TBPL2: variants seen among roughly 807,000 people sequenced by gnomAD.
TBPL2 encodes the protein TATA-box binding protein like 2, also known as TATA box-binding protein-like 2.
In TBPL2, 40 loss-of-function variants were observed where a neutral mutation model predicts 38.2. The ratio of observed to expected loss-of-function variants is 1.05; its 90% CI spans 0.81 to 1.36. The LOEUF (loss-of-function observed/expected upper bound fraction) is 1.36. TBPL2 is among the 40% of genes most tolerant of loss of function. The pLI, the probability that TBPL2 is intolerant of heterozygous loss-of-function variation, is 0.00. For synonymous variants in TBPL2, 169 were observed against 171.7 expected (o/e 0.98, Z 0.12); for missense variants, 461 against 456.7 (o/e 1.01, Z -0.09).
Position 55,440,405 on chromosome 14 carries a change from G to C in TBPL2, c.141C>G (p.Cys47Trp). ...GTGGCGGCAGCCTCACCTGAGCGGC[G>C]CACTGGTCCAGGTAGAGCTCCAGGT... The change falls in exon 1 of 7, where the codon TGC becomes TGG. Residue 47 changes from cysteine (C) to tryptophan (W), a missense_variant. By Grantham distance (215) the Cys-to-Trp change is radical. Transcript: ENST00000247219. 1 of 1,613,022 alleles carries C rather than the reference G, an allele frequency of 6.2e-7. No individual in the cohort carries two copies. The highest frequency in any genetic ancestry group is 1.7e-5 in the Admixed American group (1 of 60,028).
chr14:55,435,987 A>C, intron 2 of TBPL2, 53 bp from the exon 3 acceptor site: 1 of 1,169,574 alleles, frequency 8.6e-7, no homozygotes, highest in Non-Finnish European at 1.2e-6. Flanking sequence ...GAGTAAAAAA[A>C]AAAAAAGACA....
chr14:55,415,870 T>TA (rs953764759), intron 6 of TBPL2, among the ~76,000 whole-genome samples: 1 of 151,664 alleles, frequency 6.6e-6, no homozygotes, highest in Non-Finnish European at 1.5e-5. Context: ...TGTCTCAAAA[T>TA]AAAAAAATGT....
chr14:55,426,133 G>C (rs930079951), intron 5 of TBPL2, among the ~76,000 whole-genome samples: 5 of 151,942 alleles, frequency 3.3e-5, no homozygotes, highest in Admixed American at 6.6e-5. Flanking sequence ...CGGGTGTGGT[G>C]GTGGGTGCCT....
chr14:55,421,074 A>AAG lies in TBPL2; in HGVS notation c.1051+3084_1051+3085insCT, dbSNP rs1555343802. ...AGAATCTGTCTCAAAAAAAAAAAAA[A>AAG]AAAAGAAAAAAGAAATTTGGGGTAG... On this transcript the variant is annotated intron_variant, in intron 6 of 6. Coordinates refer to ENST00000247219, the Ensembl canonical transcript of TBPL2. Among the ~76,000 whole-genome samples the AAG allele has an allele frequency of 4.0e-5, 6 of 151,118 alleles. 1 individual carries two copies. Among genetic ancestry groups the AAG allele is most frequent in the South Asian group, 4.2e-4 (2 of 4,772 alleles).
chr14:55,420,322 G>C (rs1159656159), intron 6 of TBPL2, among the ~76,000 whole-genome samples: 1 of 152,234 alleles, frequency 6.6e-6, no homozygotes, highest in Non-Finnish European at 1.5e-5. Flanking sequence ...TGGGATTACA[G>C]GCGTGAGCAC....
chr14:55,430,819 T>C (rs1158548963), intron 4 of TBPL2, among the ~76,000 whole-genome samples: 1 of 152,220 alleles, frequency 6.6e-6, no homozygotes. Context: ...AGGTTAGCAG[T>C]AAAATAAACT....
intron 2 of TBPL2, 135 bp downstream of exon 2, chr14:55,436,426 T>C: frequency 1.2e-6 from 1 of 846,886 alleles, no homozygotes; most frequent in Admixed American, 2.8e-5. Context: ...ACAATCCATT[T>C]AGAACTGATA....
exon 5 of TBPL2, chr14:55,428,952 C>T (rs757882131): frequency 2.5e-6 from 4 of 1,614,020 alleles, no homozygotes; most frequent in Non-Finnish European, 3.4e-6. Context: ...TATTTTCTTG[C>T]TGCAAGTCGA....
At chr14:55,418,080 G>A (rs1412530744) in intron 6 of TBPL2, among the ~76,000 whole-genome samples, 1 of 152,214 alleles carries the variant, frequency 6.6e-6, no homozygotes, top group Non-Finnish European at 1.5e-5. Flanking sequence ...TTACCCTAGA[G>A]GAATATACTT....
chr14:55,437,099 G>A (rs1886028700), intron 1 of TBPL2, 81 bp from the exon 2 acceptor site: 3 of 1,237,246 alleles, frequency 2.4e-6, no homozygotes, highest in Non-Finnish European at 3.5e-6. Context: ...ACTATGGCAG[G>A]CAGGCAGGCA....
intron 3 of TBPL2, among the ~76,000 whole-genome samples, chr14:55,435,569 C>G (rs1383292423): frequency 6.6e-6 from 1 of 152,062 alleles, no homozygotes; most frequent in Non-Finnish European, 1.5e-5. Context: ...CCACCGTGCC[C>G]AGCCTAAGTG....
chr14:55,436,238 C>T (rs559139442), intron 2 of TBPL2, among the ~76,000 whole-genome samples: 1 of 152,304 alleles, frequency 6.6e-6, no homozygotes, highest in Admixed American at 6.5e-5. Context: ...CTCAATTTTA[C>T]ATCTTTATAT....
intron 3 of TBPL2, among the ~76,000 whole-genome samples, chr14:55,434,795 A>G (rs1329246059): frequency 1.3e-5 from 2 of 152,206 alleles, no homozygotes; most frequent in African/African-American, 4.8e-5. Context: ...GCAACAGCAA[A>G]AACAAATAAT....
At chr14:55,428,185 A>AG (rs1347458118) in intron 5 of TBPL2, among the ~76,000 whole-genome samples, 1 of 116,510 alleles carries the variant, frequency 8.6e-6, no homozygotes, top group East Asian at 2.9e-4. Flanking sequence ...GCTGGAGTCC[A>AG]GTGGCGCGAG....
chr14:55,420,712 A>G (rs770232799), intron 6 of TBPL2, among the ~76,000 whole-genome samples: 19 of 146,478 alleles, frequency 1.3e-4, no homozygotes, highest in Non-Finnish European at 2.5e-4. Context: ...TTTAGTAACA[A>G]TCCTTTACTT....
At chr14:55,419,804 A>C (rs984198422) in intron 6 of TBPL2, among the ~76,000 whole-genome samples, 3 of 152,212 alleles carry the variant, frequency 2.0e-5, no homozygotes, top group Non-Finnish European at 4.4e-5. Flanking sequence ...ACAGTTCCCA[A>C]CTAGGCAAGA....
chr14:55,435,978 A>T, intron 2 of TBPL2, 44 bp from the exon 3 acceptor site: 1 of 1,065,564 alleles, frequency 9.4e-7, no homozygotes, highest in Non-Finnish European at 1.3e-6. Flanking sequence ...AGATATAAAG[A>T]GTAAAAAAAA....
chr14:55,435,993 A>G, intron 2 of TBPL2, 59 bp from the exon 3 acceptor site: 3 of 1,127,016 alleles, frequency 2.7e-6, no homozygotes, highest in South Asian at 1.4e-5. Flanking sequence ...AAAAAAAAAA[A>G]GACAACTTAT....
chr14:55,439,618 C>CCCCCCCCCCG (rs1555344751), intron 1 of TBPL2, among the ~76,000 whole-genome samples: 1 of 60,294 alleles, frequency 1.7e-5, no homozygotes, highest in Non-Finnish European at 3.2e-5. Context: ...AAGCAAACCC[C>CCCCCCCCCCG]CCCCCGTCTC....
Sources: allele counts gnomAD v4.1 joint callset (sites outside exome capture counted in the v4.1 genomes callset), GRCh38; gene constraint gnomAD v4.1.1; transcripts MANE v1.5; gene names NCBI Gene and HGNC (gene_info 2026-07-23, HGNC 2026-07-21).